FRMD4B: variants seen among roughly 807,000 people sequenced by gnomAD.
FRMD4B encodes the protein FERM domain-containing protein 4B.
Under a neutral mutation model 141.5 loss-of-function variants are expected in FRMD4B, and 74 were observed. The observed-to-expected ratio is 0.52, with a 90% CI of 0.43 to 0.63. The LOEUF is 0.63. Ranked by LOEUF, FRMD4B falls within the 30% of genes least tolerant of loss-of-function variation. The probability of loss-of-function intolerance (pLI) is 0.00; values close to 1 mark genes in which losing one functional copy is unlikely to be tolerated. For missense variants in FRMD4B, 1,366 were observed against 1,253.4 expected, an observed-to-expected ratio of 1.09 and a Z score of -1.36; for synonymous variants, 506 against 467.9, an observed-to-expected ratio of 1.08 and a Z score of -1.05.
At position 69,193,107 on chromosome 3, in the gene FRMD4B, C is replaced by CG. The variant is rs540617331; in HGVS notation, c.1714+540dup. ...AAGTGCTGGGATTATAGGTGTGGGG[C>CG]GCCATGCTCGTGCTGCCCATATCTT... On this transcript the variant is annotated intron_variant, in intron 17 of 22. Transcript: ENST00000398540. Among the ~76,000 whole-genome samples, 14 of 151,816 alleles carry CG rather than the reference C, an allele frequency of 9.2e-5. No individual in the cohort carries two copies. In the South Asian group the frequency reaches 3.0e-3, roughly 32 times the overall value.
At chr3:69,304,216 C>T (rs537159891) in intron 3 of FRMD4B, among the ~76,000 whole-genome samples, 1 of 151,504 alleles carries the variant, frequency 6.6e-6, no homozygotes, top group East Asian at 1.9e-4. Context: ...TGGCTCATGC[C>T]TGTAATCCCA....
chr3:69,181,558 G>T lies in FRMD4B; in HGVS notation c.2192C>A (p.Ser731Tyr), dbSNP rs1253679987. ...CTCTGTGCTTGATTGGCTTGTATAA[G>T]AAGACCCGTCATCGAGGATTTCTGT... is the stretch of plus-strand genomic sequence containing the variant. ...SSTEILDDGSSYTSQSSTEYY... is the reference protein window; with the variant it reads ...SSTEILDDGSYYTSQSSTEYY... Residue 731 changes from serine (S) to tyrosine (Y), a missense_variant, in exon 21 of 23, where the codon TCT becomes TAT. Coordinates refer to ENST00000398540, the MANE Select transcript of FRMD4B (RefSeq NM_015123.3). 1.9e-6 allele frequency: 3 copies of T among 1,613,960 alleles called. No homozygotes were observed. Among genetic ancestry groups the T allele is most frequent in the Non-Finnish European group, 2.5e-6 (3 of 1,179,866 alleles).
chr3:69,365,996 A>G lies in FRMD4B; in HGVS notation c.162+19832T>C, dbSNP rs774031865. Reference sequence around the variant, plus strand: ...CACTTTGAGAGGCTGAGGAGGGGGCAGATCATTTGAGGCCAGGAGTTTGAG... The same window carrying G: ...CACTTTGAGAGGCTGAGGAGGGGGCGGATCATTTGAGGCCAGGAGTTTGAG... On this transcript the variant is annotated intron_variant, in intron 1 of 22. Transcript: ENST00000398540. Among the ~76,000 whole-genome samples, 20 of 151,586 alleles carry G rather than the reference A, an allele frequency of 1.3e-4. 2 individuals carry two copies. Among genetic ancestry groups the G allele is most frequent in the Non-Finnish European group, 2.4e-4 (16 of 67,924 alleles).
At chr3:69,174,027 C>T (rs2092617113) in intron 22 of FRMD4B, among the ~76,000 whole-genome samples, 1 of 151,910 alleles carries the variant, frequency 6.6e-6, no homozygotes. Flanking sequence ...ATCTCAGCTA[C>T]TTGGGAGGCT....
chr3:69,270,163 A>G (rs1450103435), intron 5 of FRMD4B, among the ~76,000 whole-genome samples: 2 of 152,160 alleles, frequency 1.3e-5, no homozygotes, highest in South Asian at 2.1e-4. Flanking sequence ...CTACAGGTGC[A>G]TGTCACCAAA....
At chr3:69,527,115 C>A (rs1700941293) in intron 1 of FRMD4B, among the ~76,000 whole-genome samples, 2 of 152,158 alleles carry the variant, frequency 1.3e-5, no homozygotes, top group Non-Finnish European at 2.9e-5. Flanking sequence ...CTCTCTCTCT[C>A]CCCCATTCAG....
In FRMD4B at chr3:69,525,752, T is replaced by C. The variant is rs545470357; in HGVS notation, c.-129+16454A>G. Among the ~76,000 whole-genome samples the C allele has an allele frequency of 5.9e-5, 9 of 152,152 alleles. No homozygotes were observed. In the South Asian group the frequency reaches 1.9e-3, roughly 32 times the overall value. Reference sequence around the variant, plus strand: ...CTGCAGCCTCAACCTCCCTGGGCTCTGGTGATCCTCCCACATCAGCCTCCT... The same window carrying C: ...CTGCAGCCTCAACCTCCCTGGGCTCCGGTGATCCTCCCACATCAGCCTCCT... On this transcript the variant is annotated intron_variant, in intron 1 of 5. Coordinates refer to the FRMD4B transcript ENST00000459638.
intron 7 of FRMD4B, among the ~76,000 whole-genome samples, chr3:69,244,024 G>A (rs774652630): frequency 6.6e-6 from 1 of 152,106 alleles, no homozygotes; most frequent in Non-Finnish European, 1.5e-5. Context: ...TAGCCTGGGC[G>A]ACAGAGTGAG....
At chr3:69,297,492 A>C (rs1016810204) in intron 4 of FRMD4B, among the ~76,000 whole-genome samples, 3 of 152,180 alleles carry the variant, frequency 2.0e-5, no homozygotes, top group Non-Finnish European at 4.4e-5. Context: ...AATGAAAAAC[A>C]ACAACAACAA....
Position 69,169,134 on chromosome 3 carries a change from C to T in FRMD4B, c.*2727G>A, listed in dbSNP as rs965233384. On this transcript the variant is annotated 3_prime_UTR_variant, in exon 23 of 23. Transcript: ENST00000398540. ...TCTGAGAGTGTTCGGCTAATGGGCA[C>T]GATTATGTTTTTGTTATGTACTATT... 1.3e-5 allele frequency among the ~76,000 whole-genome samples: 2 copies of T among 151,612 alleles called. No homozygotes were observed. The highest frequency in any genetic ancestry group is 2.9e-5 in the Non-Finnish European group (2 of 67,954).
chr3:69,434,999 C>A (rs750296626), intron 1 of FRMD4B, among the ~76,000 whole-genome samples: 19 of 152,176 alleles, frequency 1.2e-4, no homozygotes, highest in Non-Finnish European at 2.4e-4. Context: ...TACCCAAACA[C>A]CCCTGGTACC....
chr3:69,530,415 C>T (rs924438639), intron 1 of FRMD4B, among the ~76,000 whole-genome samples: 1 of 152,136 alleles, frequency 6.6e-6, no homozygotes, highest in Non-Finnish European at 1.5e-5. Flanking sequence ...CTCACCTCTT[C>T]CCTCCTCTCT....
intron 1 of FRMD4B, among the ~76,000 whole-genome samples, chr3:69,446,825 G>A (rs186105413): frequency 1.0e-3 from 156 of 152,248 alleles, no homozygotes; most frequent in Non-Finnish European, 1.2e-3. Flanking sequence ...GAAAACACAA[G>A]ACCCTTTGGA....
At chr3:69,476,278 C>T (rs1373721238) in intron 1 of FRMD4B, among the ~76,000 whole-genome samples, 1 of 151,926 alleles carries the variant, frequency 6.6e-6, no homozygotes, top group African/African-American at 2.4e-5. Flanking sequence ...AGTCCTTGCC[C>T]ATGCCTATGT....
At chr3:69,329,105 T>G (rs1246136386) in intron 1 of FRMD4B, among the ~76,000 whole-genome samples, 1 of 152,030 alleles carries the variant, frequency 6.6e-6, no homozygotes, top group Non-Finnish European at 1.5e-5. Flanking sequence ...AGCATACCAG[T>G]GGAGAAAGTG....
chr3:69,328,138 G>A (rs1233070315), intron 1 of FRMD4B, among the ~76,000 whole-genome samples: 1 of 152,180 alleles, frequency 6.6e-6, no homozygotes, highest in Non-Finnish European at 1.5e-5. Context: ...GGCCACTCAC[G>A]AAAGCCCACT....
chr3:69,230,288 T>G (rs2093295198), intron 7 of FRMD4B, among the ~76,000 whole-genome samples: 1 of 152,162 alleles, frequency 6.6e-6, no homozygotes, highest in Non-Finnish European at 1.5e-5. Context: ...TATCAAACTT[T>G]AAAACTCCAA....
intron 2 of FRMD4B, among the ~76,000 whole-genome samples, chr3:69,393,687 T>C (rs978596797): frequency 2.0e-5 from 3 of 152,234 alleles, no homozygotes; most frequent in Non-Finnish European, 4.4e-5. Context: ...TTATTAAGTC[T>C]ACTTAACCTA....
At chr3:69,215,704 C>T (rs979337408) in intron 11 of FRMD4B, among the ~76,000 whole-genome samples, 2 of 152,146 alleles carry the variant, frequency 1.3e-5, no homozygotes, top group Non-Finnish European at 2.9e-5. Flanking sequence ...AAGACTTATA[C>T]CTGCATCATT....
Sources: allele counts gnomAD v4.1 joint callset (sites outside exome capture counted in the v4.1 genomes callset), GRCh38; gene constraint gnomAD v4.1.1; transcripts MANE v1.5; gene names NCBI Gene and HGNC (gene_info 2026-07-23, HGNC 2026-07-21).